TMEM204: variants seen among roughly 807,000 people sequenced by gnomAD.
The protein encoded by TMEM204 is transmembrane protein 204.
A neutral mutation model predicts 19.4 loss-of-function variants in TMEM204; 15 were observed. That is an observed-to-expected ratio of 0.77 (90% CI 0.52 to 1.19). The LOEUF (loss-of-function observed/expected upper bound fraction) is 1.19, where lower values mean the gene tolerates loss of function less well. Among genes scored for constraint, TMEM204 ranks in the 50% most tolerant of loss-of-function variants. TMEM204 has a pLI of 0.00. For missense variants in TMEM204, 287 were observed against 321.2 expected, an observed-to-expected ratio of 0.89 and a Z score of 0.81; for synonymous variants, 161 against 146.0, an observed-to-expected ratio of 1.10 and a Z score of -0.74.
rs1025330819 is a variant in TMEM204 at position 1,553,113 on chromosome 16, A to G, written c.437-1669A>G. ...TTAATTCATACTTTCTGGAGGGTAC[A>G]GTGATGATGAAAAGATAATGCTTGG... On this transcript the variant is annotated intron_variant, in intron 2 of 2. Transcript: ENST00000566264. This position sits in a 1 kb window ranked among gnomAD's most constrained non-coding sequence, Gnocchi z 4.4. The G allele has an allele frequency of 1.1e-5, 11 of 985,340 alleles. No homozygotes were observed. The highest frequency in any genetic ancestry group is 1.7e-5 in the African/African-American group (1 of 57,248). The allele number at this position is 985,340 out of a possible 1,614,324, so 61.0% of individuals were successfully genotyped here. A position where few individuals can be genotyped will look rare whatever the true frequency, so the allele number is the denominator to read the frequency against.
chr16:1,553,338 T>C lies in TMEM204; in HGVS notation c.437-1444T>C. The stretch of plus-strand genomic sequence containing the variant: ...TCTGTGTCTCTGTCCCTGTGTCTCT[T>C]TTTCTCCCATCCTCTCTCGATGCTG... On this transcript the variant is annotated intron_variant, in intron 2 of 2. Coordinates refer to ENST00000566264, the MANE Select transcript of TMEM204 (RefSeq NM_024600.6). The surrounding 1 kb of genome is among the most constrained non-coding windows in gnomAD (Gnocchi z 4.4). 1 of 985,388 alleles carries C rather than the reference T, an allele frequency of 1.0e-6. No homozygotes were observed. Among genetic ancestry groups the C allele is most frequent in the Non-Finnish European group, 1.2e-6 (1 of 829,934 alleles). The allele number at this position is 985,388 out of a possible 1,614,324, so 61.0% of individuals were successfully genotyped here.
chr16:1,537,889 A>G (rs1182548667), intron 1 of TMEM204, among the ~76,000 whole-genome samples: 1 of 152,196 alleles, frequency 6.6e-6, no homozygotes, highest in Non-Finnish European at 1.5e-5. Flanking sequence ...CCACACATCA[A>G]ACGGGCACGT....
intron 2 of TMEM204, among the ~76,000 whole-genome samples, chr16:1,543,666 G>A (rs1360550722): frequency 6.6e-6 from 1 of 152,212 alleles, no homozygotes; most frequent in Admixed American, 6.5e-5. Context: ...ATGAGACAGG[G>A]ATGTGGGACC....
chr16:1,529,658 T>C (rs2030228516), upstream of TMEM204, among the ~76,000 whole-genome samples: 1 of 152,248 alleles, frequency 6.6e-6, no homozygotes, highest in Admixed American at 6.5e-5. Flanking sequence ...AAGTCACATC[T>C]TTACAATGAA....
At chr16:1,552,639 A>G (rs769451394) in intron 2 of TMEM204, among the ~76,000 whole-genome samples, 1 of 150,562 alleles carries the variant, frequency 6.6e-6, no homozygotes, top group Non-Finnish European at 1.5e-5. Context: ...ATTCATTACA[A>G]AGAGAATGCT....
intron 2 of TMEM204, among the ~76,000 whole-genome samples, chr16:1,545,931 A>G (rs573444661): frequency 3.1e-4 from 47 of 152,310 alleles, no homozygotes; most frequent in African/African-American, 1.1e-3. Context: ...CAGAGAGAGC[A>G]GCTGAAATGT....
In TMEM204 at chr16:1,554,792, G is replaced by C. The variant is rs1359627142; in HGVS notation, c.447G>C (p.Leu149=). Residue 149 remains leucine, a synonymous_variant, in exon 3 of 3, where the codon CTG becomes CTC. Coordinates refer to ENST00000566264, the MANE Select transcript of TMEM204 (RefSeq NM_024600.6). ...AAAFQLASFV[L]VIGLVTFYRI... is the part of the protein sequence containing the mutation. Reference sequence around the variant, plus strand: ...TTCTCTCATCTGCAGGTTTTGTCCTGGTCATCGGGCTCGTGACTTTCTACA... The same window carrying C: ...TTCTCTCATCTGCAGGTTTTGTCCTCGTCATCGGGCTCGTGACTTTCTACA... 6.2e-7 allele frequency: 1 copy of C among 1,614,166 alleles called. No individual in the cohort carries two copies. The highest frequency in any genetic ancestry group is 1.1e-5 in the South Asian group (1 of 91,078).
rs1261806816 is a variant in TMEM204 at position 1,551,447 on chromosome 16, G to T, written c.437-3335G>T. ...GGGTGGAAAGGGCCACTGGGCCCCA[G>T]GGTGGCAGAAGGGCGGCCGCAGGTA... is the stretch of plus-strand genomic sequence containing the variant. On this transcript the variant is annotated intron_variant, in intron 2 of 2. Coordinates refer to ENST00000566264, the MANE Select transcript of TMEM204 (RefSeq NM_024600.6). This position sits in a 1 kb window ranked among gnomAD's most constrained non-coding sequence, Gnocchi z 4.0. Among the ~76,000 whole-genome samples the T allele has an allele frequency of 6.6e-6, 1 of 152,186 alleles. No homozygotes were observed. Among genetic ancestry groups the T allele is most frequent in the African/African-American group, 2.4e-5 (1 of 41,444 alleles).
At position 1,554,958 on chromosome 16, in the gene TMEM204, A is replaced by G; in HGVS notation, c.613A>G (p.Ile205Val). 6.2e-7 allele frequency: 1 copy of G among 1,614,114 alleles called. No homozygotes were observed. The highest frequency in any genetic ancestry group is 8.5e-7 in the Non-Finnish European group (1 of 1,180,036). The change falls in exon 3 of 3, where the codon ATC becomes GTC. Residue 205 changes from isoleucine to valine, a missense_variant. Ile to Val is a conservative substitution (Grantham distance 29). Coordinates refer to ENST00000566264, the MANE Select transcript of TMEM204 (RefSeq NM_024600.6). ...CTGCATGGCCCCCCGGGTGATTGTC[A>G]TCAGCCGCTCCCTGACAGCGCGCTT... ...EDCMAPRVIV[I>V]SRSLTARFRR...
chr16:1,543,979 T>G (rs910819264), intron 2 of TMEM204, among the ~76,000 whole-genome samples: 88 of 151,978 alleles, frequency 5.8e-4, no homozygotes, highest in Non-Finnish European at 1.1e-3. Context: ...ATTCTGAAAA[T>G]AACTCCTTCT....
intron 2 of TMEM204, among the ~76,000 whole-genome samples, chr16:1,545,022 T>G (rs2032046836): frequency 6.6e-6 from 1 of 152,254 alleles, no homozygotes; most frequent in Non-Finnish European, 1.5e-5. Context: ...GGATTTGGCA[T>G]GTCGAAAATG....
At chr16:1,539,211 C>T (rs1030554107) in intron 1 of TMEM204, among the ~76,000 whole-genome samples, 2 of 151,276 alleles carry the variant, frequency 1.3e-5, no homozygotes, top group African/African-American at 4.9e-5. Flanking sequence ...CCACACGGTG[C>T]CAACGCCGAC....
intron 1 of TMEM204, among the ~76,000 whole-genome samples, chr16:1,538,803 C>CCTGCAGGCTGTACGTGGTCA (rs2031327518): frequency 6.6e-6 from 1 of 152,168 alleles, no homozygotes; most frequent in African/African-American, 2.4e-5. Context: ...CACTCCGGTC[C>CCTGCAGGCTGTACGTGGTCA]CTGCAGGCTG....
At chr16:1,534,985 G>A (rs2030919298) in intron 1 of TMEM204, among the ~76,000 whole-genome samples, 1 of 152,118 alleles carries the variant, frequency 6.6e-6, no homozygotes, top group Non-Finnish European at 1.5e-5. Context: ...CGGGAGGACT[G>A]CTTGAGGCCA....
In TMEM204 at chr16:1,555,216, G is replaced by A. The variant is rs371409351; in HGVS notation, c.*190G>A. 1,857 of 720,682 alleles carry A rather than the reference G, an allele frequency of 2.6e-3. 2 individuals are homozygous for A. Among genetic ancestry groups the A allele is most frequent in the Admixed American group, 5.0e-3 (163 of 32,458 alleles). The allele number at this position is 720,682 out of a possible 1,614,324, so 44.6% of individuals were successfully genotyped here. On this transcript the variant is annotated 3_prime_UTR_variant, in exon 3 of 3. Coordinates refer to ENST00000566264, the MANE Select transcript of TMEM204 (RefSeq NM_024600.6). Reference sequence around the variant, plus strand: ...TGTCGGTCATATGTCTGTACGTGTCGTGGGCCAACCTCGTTCTGCCTCCAG... The same window carrying A: ...TGTCGGTCATATGTCTGTACGTGTCATGGGCCAACCTCGTTCTGCCTCCAG...
At chr16:1,530,098 T>A (rs867920779), upstream of TMEM204, among the ~76,000 whole-genome samples, 9 of 151,208 alleles carry the variant, frequency 6.0e-5, no homozygotes, top group Middle Eastern at 3.4e-3. Flanking sequence ...CAGTCTTTTT[T>A]ACTCTCCTGT....
At chr16:1,529,072 C>G (rs962590217), upstream of TMEM204, among the ~76,000 whole-genome samples, 2 of 152,194 alleles carry the variant, frequency 1.3e-5, no homozygotes, top group Non-Finnish European at 2.9e-5. Flanking sequence ...GCGGTGGTGT[C>G]TGTGGCTGCA....
At chr16:1,536,855 C>T (rs2031124574) in intron 1 of TMEM204, among the ~76,000 whole-genome samples, 1 of 152,238 alleles carries the variant, frequency 6.6e-6, no homozygotes, top group African/African-American at 2.4e-5. Flanking sequence ...CATTCGCTGC[C>T]CCCACTCACG....
chr16:1,551,424 G>A lies in TMEM204; in HGVS notation c.437-3358G>A, dbSNP rs949221359. Among the ~76,000 whole-genome samples, 1 of 152,176 alleles carries A rather than the reference G, an allele frequency of 6.6e-6. No individual in the cohort carries two copies. Among genetic ancestry groups the A allele is most frequent in the African/African-American group, 2.4e-5 (1 of 41,442 alleles). On this transcript the variant is annotated intron_variant, in intron 2 of 2. Transcript: ENST00000566264. This position sits in a 1 kb window ranked among gnomAD's most constrained non-coding sequence, Gnocchi z 4.0. ...TAGGTGGACCCAGTGACTGAGAGGGGTGGAAAGGGCCACTGGGCCCCAGGG... is the reference window on the plus strand; with the variant it reads ...TAGGTGGACCCAGTGACTGAGAGGGATGGAAAGGGCCACTGGGCCCCAGGG...
Sources: gnomAD v4.1 joint callset for allele counts (sites outside exome capture counted in the v4.1 genomes callset) on GRCh38, gnomAD v4.1.1 for gene constraint, Gnocchi (gnomAD v3.1) non-coding constraint, MANE v1.5 for transcripts, NCBI Gene and HGNC (gene_info 2026-07-23, HGNC 2026-07-21) for gene names.